PRDM10: variants seen among roughly 807,000 people sequenced by gnomAD.
The protein encoded by PRDM10 is PR/SET domain 10.
Under a neutral mutation model 133.1 loss-of-function variants are expected in PRDM10, and 65 were observed. The ratio of observed to expected loss-of-function variants is 0.49; its 90% CI spans 0.40 to 0.60. The LOEUF (loss-of-function observed/expected upper bound fraction) is 0.60. Among genes scored for constraint, PRDM10 ranks in the 20% least tolerant of loss-of-function variants. The pLI, the probability that PRDM10 is intolerant of heterozygous loss-of-function variation, is 0.00. For synonymous variants in PRDM10, 582 were observed against 580.4 expected (o/e 1.00, Z -0.04); for missense variants, 1,137 against 1,507.1 (o/e 0.75, Z 4.07).
At position 129,924,264 on chromosome 11, in the gene PRDM10, T is replaced by C. The variant is rs552144294; in HGVS notation, c.1878+618A>G. ...ATTAAATCCCTAGTCTTCTTTTCCT[T>C]TGGTAATTGAAAAAGTGTATTTTTA... On this transcript the variant is annotated intron_variant, in intron 12 of 20. Coordinates refer to ENST00000360871, the MANE Select transcript of PRDM10 (RefSeq NM_199437.2). Among the ~76,000 whole-genome samples the C allele has an allele frequency of 9.2e-5, 14 of 152,350 alleles. No homozygotes were observed. In the South Asian group the frequency reaches 1.2e-3, roughly 14 times the overall value.
Position 129,944,827 on chromosome 11 carries a change from C to T in PRDM10, c.706G>A (p.Val236Met), listed in dbSNP as rs1282877066. The T allele has an allele frequency of 1.9e-6, 3 of 1,613,962 alleles. No homozygotes were observed. Among genetic ancestry groups the T allele is most frequent in the African/African-American group, 2.7e-5 (2 of 74,920 alleles). Residue 236 changes from valine to methionine, a missense_variant, in exon 6 of 21, where the codon GTG (valine) becomes ATG (methionine). Around this residue, in one of 6 missense-constraint regions of PRDM10, gnomAD observed 635 missense variants for 835.2 expected, o/e 0.76. Coordinates refer to ENST00000360871, the MANE Select transcript of PRDM10 (RefSeq NM_199437.2). ...RIPKRTQFGP[V>M]EGPLVRGSEL... ...GAGCCCCTGACGAGAGGCCCCTCCA[C>T]GGGGCCAAACTGGGTGCGCTTGGGG... is the stretch of plus-strand genomic sequence containing the variant.
intron 13 of PRDM10, among the ~76,000 whole-genome samples, chr11:129,921,136 G>C (rs1950512049): frequency 6.6e-6 from 1 of 152,146 alleles, no homozygotes; most frequent in Non-Finnish European, 1.5e-5. Flanking sequence ...GCTCCCTGAA[G>C]TTGGAAGGTC....
chr11:129,951,720 G>T (rs1323854465), intron 4 of PRDM10, among the ~76,000 whole-genome samples: 1 of 152,096 alleles, frequency 6.6e-6, no homozygotes, highest in African/African-American at 2.4e-5. Context: ...TTCCTACTGA[G>T]ACCAATTATC....
chr11:129,942,841 G>A (rs769597256), intron 6 of PRDM10, among the ~76,000 whole-genome samples: 6 of 152,112 alleles, frequency 3.9e-5, no homozygotes, highest in Non-Finnish European at 7.3e-5. Flanking sequence ...AAATTAGCTG[G>A]CAAAATCTAA....
At position 129,918,548 on chromosome 11, in the gene PRDM10, G is replaced by A. The variant is rs769371512; in HGVS notation, c.2205C>T (p.Arg735=). 16 of 1,613,646 alleles carry A rather than the reference G, an allele frequency of 9.9e-6. No individual in the cohort carries two copies. Among genetic ancestry groups the A allele is most frequent in the Admixed American group, 5.0e-5 (3 of 59,928 alleles). Residue 735 remains arginine, a synonymous_variant, in exon 14 of 21, where the codon CGC becomes CGT. Transcript: ENST00000360871. This position sits in a 1 kb window ranked among gnomAD's most constrained non-coding sequence, Gnocchi z 5.3. ...GCCACTGGGCACTGACCAGCATGCC[G>A]CGCCGCCGGAAGCCCATCATGCACA... The part of the protein sequence containing the change: ...CRLCMMGFRR[R]GMLVNHLSKR...
chr11:129,941,565 T>C (rs1245673054), intron 7 of PRDM10, among the ~76,000 whole-genome samples: 1 of 152,240 alleles, frequency 6.6e-6, no homozygotes, highest in Non-Finnish European at 1.5e-5. Context: ...CACGCGTTCC[T>C]GTCAATGGTT....
chr11:129,956,792 G>C (rs1228156491), intron 3 of PRDM10, among the ~76,000 whole-genome samples: 1 of 152,148 alleles, frequency 6.6e-6, no homozygotes. Context: ...GGAGTGATCT[G>C]AGCCTCTTTA....
chr11:129,987,961 A>G (rs1938521098), intron 1 of PRDM10, among the ~76,000 whole-genome samples: 1 of 152,248 alleles, frequency 6.6e-6, no homozygotes, highest in African/African-American at 2.4e-5. Flanking sequence ...AGATAGCGCC[A>G]CTGCAGTCTG....
Position 129,905,560 on chromosome 11 carries a change from C to T in PRDM10, c.3267+78G>A, listed in dbSNP as rs769129413. 19 of 1,061,798 alleles carry T rather than the reference C, an allele frequency of 1.8e-5. 1 individual carries two copies. The highest frequency in any genetic ancestry group is 1.5e-4 in the East Asian group (6 of 41,036). 65.8% of individuals were successfully genotyped at this position (1,061,798 alleles called of 1,614,324 possible). ...AGAAAACAGAGTAAGCCAATCATTA[C>T]GAGATAAGTGGTGATAAGAGTTACT... is the stretch of plus-strand genomic sequence containing the variant. On this transcript the variant is annotated intron_variant, in intron 20 of 20. Coordinates refer to ENST00000360871, the MANE Select transcript of PRDM10 (RefSeq NM_199437.2).
chr11:129,933,367 AC>A (rs1950930317), intron 9 of PRDM10, among the ~76,000 whole-genome samples: 1 of 152,118 alleles, frequency 6.6e-6, no homozygotes, highest in African/African-American at 2.4e-5. Flanking sequence ...CTATATCCCC[AC>A]CACTTGCCCA....
intron 1 of PRDM10, among the ~76,000 whole-genome samples, chr11:129,972,971 C>T (rs114992192): frequency 2.0e-5 from 3 of 152,294 alleles, no homozygotes; most frequent in African/African-American, 7.2e-5. Context: ...GAGACGAGCC[C>T]TCCCTCCTTG....
chr11:129,949,532 T>A lies in PRDM10; in HGVS notation c.295-2162A>T, dbSNP rs557025628. On this transcript the variant is annotated intron_variant, in intron 4 of 20. Transcript: ENST00000360871. ...GAAATATATTTGGCCTTTTGGGAAA[T>A]AACACCAATCCCTTCAGGCATCTAG... Among the ~76,000 whole-genome samples, 196 of 152,344 alleles carry A rather than the reference T, an allele frequency of 1.3e-3. 1 individual carries two copies. The highest frequency in any genetic ancestry group is 2.3e-3 in the Non-Finnish European group (154 of 68,030).
At chr11:129,969,551 T>C (rs1035652310) in intron 1 of PRDM10, among the ~76,000 whole-genome samples, 3 of 151,284 alleles carry the variant, frequency 2.0e-5, no homozygotes, top group Admixed American at 1.3e-4. Context: ...CCCAGCACTT[T>C]GGGAGGCCAA....
In PRDM10 at chr11:129,947,975, T is replaced by C; in HGVS notation, c.295-605A>G. The C allele has an allele frequency of 2.2e-6, 1 of 451,756 alleles. No homozygotes were observed. The highest frequency in any genetic ancestry group is 1.6e-5 in the South Asian group (1 of 63,876). 28.0% of individuals were successfully genotyped at this position (451,756 alleles called of 1,614,324 possible). On this transcript the variant is annotated intron_variant, in intron 4 of 20. Transcript: ENST00000360871. The surrounding 1 kb of genome is among the most constrained non-coding windows in gnomAD (Gnocchi z 4.6). The stretch of plus-strand genomic sequence containing the variant: ...CACTTGTCTTTTAAAACTAAACACG[T>C]CGTGCAACACATGGTTAACAAAGTT...
intron 1 of PRDM10, among the ~76,000 whole-genome samples, chr11:129,984,400 T>C (rs1181367085): frequency 2.6e-5 from 4 of 152,332 alleles, no homozygotes; most frequent in Non-Finnish European, 4.4e-5. Context: ...CCTGCTCACC[T>C]ACCTGCCATC....
chr11:129,939,801 A>G (rs1325122411), intron 7 of PRDM10, among the ~76,000 whole-genome samples: 3 of 152,214 alleles, frequency 2.0e-5, no homozygotes, highest in Admixed American at 6.5e-5. Context: ...GAAACTTCCT[A>G]CAGGCTTGAT....
In PRDM10 at chr11:129,947,357, A is replaced by T. The variant is rs754113899; in HGVS notation, c.308T>A (p.Val103Asp). 1.9e-5 allele frequency: 31 copies of T among 1,614,000 alleles called. No homozygotes were observed. Among genetic ancestry groups the T allele is most frequent in the Non-Finnish European group, 2.4e-5 (28 of 1,180,036 alleles). Residue 103 changes from valine to aspartate, a missense_variant, in exon 5 of 21, where the codon GTT (valine) becomes GAT (aspartate). Val to Asp is a radical substitution (Grantham distance 152). Around this residue, in one of 6 missense-constraint regions of PRDM10, gnomAD observed 635 missense variants for 835.2 expected, o/e 0.76. Coordinates refer to ENST00000360871, the MANE Select transcript of PRDM10 (RefSeq NM_199437.2). The surrounding 1 kb of genome is among the most constrained non-coding windows in gnomAD (Gnocchi z 4.6). The stretch of plus-strand genomic sequence containing the variant: ...GATGGAAGGCAGCACCTGGTTATGA[A>T]CTGGCAATGAGGCCTGGGCAAAAGT... ...DATAQQASLP[V>D]HNQVLPSIES...
intron 1 of PRDM10, among the ~76,000 whole-genome samples, chr11:129,967,323 G>A (rs745756629): frequency 3.9e-5 from 6 of 152,082 alleles, no homozygotes; most frequent in Non-Finnish European, 7.4e-5. Context: ...CCAGAGAGGC[G>A]GAGGTTGCAG....
intron 1 of PRDM10, among the ~76,000 whole-genome samples, chr11:129,969,087 G>A (rs943669228): frequency 6.6e-6 from 1 of 152,206 alleles, no homozygotes; most frequent in African/African-American, 2.4e-5. Flanking sequence ...GTTCAGACAG[G>A]AAGCTTCCTC....
Sources: allele counts gnomAD v4.1 joint callset (sites outside exome capture counted in the v4.1 genomes callset), GRCh38; gene constraint gnomAD v4.1.1; regional missense constraint gnomAD v4.1.1; non-coding constraint Gnocchi (gnomAD v3.1); transcripts MANE v1.5; gene names NCBI Gene and HGNC (gene_info 2026-07-23, HGNC 2026-07-21).